The following ATP11C variants were observed in gnomAD, a reference collection of about 807,000 sequenced individuals.
ATP11C encodes ATPase phospholipid transporting 11C (ATP11C blood group).
A neutral mutation model predicts 97.4 loss-of-function variants in ATP11C; 36 were observed. The ratio of observed to expected loss-of-function variants is 0.37; its 90% CI spans 0.28 to 0.49. ATP11C has a LOEUF of 0.49. Among genes scored for constraint, ATP11C ranks in the 20% least tolerant of loss-of-function variants. The probability of loss-of-function intolerance (pLI) is 0.98; values close to 1 mark genes in which losing one functional copy is unlikely to be tolerated. For synonymous variants in ATP11C, 275 were observed against 290.9 expected, an observed-to-expected ratio of 0.95 and a Z score of 0.56; for missense variants, 730 against 824.6, an observed-to-expected ratio of 0.89 and a Z score of 1.40.
intron 18 of ATP11C, among the ~76,000 whole-genome samples, chrX:139,777,060 TAAG>T (rs930672379): frequency 1.8e-5 from 2 of 110,280 alleles, no homozygotes; most frequent in African/African-American, 6.6e-5. Flanking sequence ...AATTCAAAAA[TAAG>T]AAGCAACAGA....
intron 1 of ATP11C, among the ~76,000 whole-genome samples, chrX:139,884,304 C>G (rs2084605775): frequency 9.0e-6 from 1 of 111,286 alleles, no homozygotes; most frequent in South Asian, 3.8e-4. Flanking sequence ...ACTGAAACAA[C>G]CTGAAATGGT....
intron 26 of ATP11C, among the ~76,000 whole-genome samples, chrX:139,742,872 AAAAAAT>A (rs1195631989): frequency 0.024 from 585 of 24,195 alleles, 4 homozygotes; most frequent in African/African-American, 0.076. Context: ...ATTAAAAAAA[AAAAAAT>A]ATATATATAT....
intron 1 of ATP11C, among the ~76,000 whole-genome samples, chrX:139,909,420 A>C (rs749133488): frequency 9.0e-6 from 1 of 111,263 alleles, no homozygotes; most frequent in Non-Finnish European, 1.9e-5. Flanking sequence ...TGAGTGAGTT[A>C]TTGCGCCCGG....
chrX:139,918,559 G>C (rs1197223474), intron 1 of ATP11C, among the ~76,000 whole-genome samples: 1 of 99,057 alleles, frequency 1.0e-5, no homozygotes, highest in Non-Finnish European at 2.0e-5. Context: ...GGCGGGGGTG[G>C]GGGTGGGGAC....
intron 14 of ATP11C, 101 bp from the exon 15 acceptor site, chrX:139,787,345 T>G (rs2082596133): frequency 1.6e-6 from 1 of 637,134 alleles, no homozygotes; most frequent in Admixed American, 4.2e-5. Context: ...TTGCCCAGGC[T>G]GGAGTGCAGT....
intron 1 of ATP11C, among the ~76,000 whole-genome samples, chrX:139,852,145 A>C (rs1449761344): frequency 9.3e-6 from 1 of 106,986 alleles, no homozygotes. Flanking sequence ...AAAAAAGAAA[A>C]AGAAAAAAGA....
At chrX:139,926,679 T>C (rs924742787) in intron 1 of ATP11C, among the ~76,000 whole-genome samples, 3 of 112,708 alleles carry the variant, frequency 2.7e-5, no homozygotes, top group Non-Finnish European at 3.7e-5. Context: ...GCACTCAATA[T>C]TACTCACTAA....
At chrX:139,797,585 G>A (rs894294598) in intron 10 of ATP11C, among the ~76,000 whole-genome samples, 19 of 111,443 alleles carry the variant, frequency 1.7e-4, no homozygotes, top group African/African-American at 5.5e-4. Context: ...TAAGGTTCCT[G>A]TAAAGTGACA....
chrX:139,837,606 T>C (rs967740977), intron 1 of ATP11C, among the ~76,000 whole-genome samples: 5 of 112,496 alleles, frequency 4.4e-5, no homozygotes, highest in Non-Finnish European at 9.4e-5. Context: ...TGCTGTCAAA[T>C]AGAAAATAGT....
chrX:139,882,996 C>A (rs1029048915), intron 1 of ATP11C, among the ~76,000 whole-genome samples: 3 of 110,800 alleles, frequency 2.7e-5, no homozygotes, highest in African/African-American at 9.8e-5. Context: ...AACAGGGAGC[C>A]ACCAGAAAGT....
At chrX:139,872,604 C>G (rs1182131056) in intron 1 of ATP11C, among the ~76,000 whole-genome samples, 1 of 108,480 alleles carries the variant, frequency 9.2e-6, no homozygotes, top group African/African-American at 3.4e-5. Flanking sequence ...TGAGTGAGAA[C>G]ATGTGGTGTT....
In ATP11C at chrX:139,727,928, G is replaced by C. The variant is rs779985698; in HGVS notation, c.*1038C>G. 66 of 111,890 alleles carry C rather than the reference G, an allele frequency of 5.9e-4. No homozygotes were observed. Among genetic ancestry groups the C allele is most frequent in the Non-Finnish European group, 1.1e-3 (58 of 52,993 alleles). 9.2% of individuals were successfully genotyped at this position (111,890 alleles called of 1,213,427 possible). A position where few individuals can be genotyped will look rare whatever the true frequency, so the allele number is the denominator to read the frequency against. On this transcript the variant is annotated 3_prime_UTR_variant, in exon 30 of 30. Coordinates refer to ENST00000682941, the MANE Select transcript of ATP11C (RefSeq NM_001353812.2). The stretch of plus-strand genomic sequence containing the variant: ...CTCTACAAGCTGAACCACCGTTTTG[G>C]GGTGGCTCCTTCCCCCTTTCCAAAT...
chrX:139,872,511 G>T (rs2485720), intron 1 of ATP11C, among the ~76,000 whole-genome samples: 1 of 94,662 alleles, frequency 1.1e-5, no homozygotes, highest in East Asian at 3.2e-4. Flanking sequence ...ATCCCTCCCC[G>T]CTCCCTCCAC....
At chrX:139,744,952 A>G (rs1310138099) in intron 25 of ATP11C, among the ~76,000 whole-genome samples, 1 of 112,032 alleles carries the variant, frequency 8.9e-6, no homozygotes, top group Non-Finnish European at 1.9e-5. Context: ...GGTTCCAGAC[A>G]TAGTATCCTC....
chrX:139,768,149 G>T, intron 20 of ATP11C, 111 bp downstream of exon 20: 1 of 519,788 alleles, frequency 1.9e-6, no homozygotes, highest in Non-Finnish European at 2.7e-6. Flanking sequence ...GAAGAAATTA[G>T]ATAGTAATAA....
chrX:139,895,917 C>T (rs908648157), intron 1 of ATP11C, among the ~76,000 whole-genome samples: 7 of 110,656 alleles, frequency 6.3e-5, no homozygotes, highest in Non-Finnish European at 1.3e-4. Flanking sequence ...TCAAGCTGTC[C>T]GCCCGCCTCA....
chrX:139,873,435 T>G (rs2084409041), intron 1 of ATP11C, among the ~76,000 whole-genome samples: 1 of 111,097 alleles, frequency 9.0e-6, no homozygotes, highest in Admixed American at 9.6e-5. Flanking sequence ...GGGCCAGGCA[T>G]GGGGGTTCAC....
chrX:139,842,676 TAG>T (rs1363022074), intron 1 of ATP11C, among the ~76,000 whole-genome samples: 10 of 112,353 alleles, frequency 8.9e-5, no homozygotes, highest in Non-Finnish European at 1.7e-4. Flanking sequence ...TGGGGCTGCG[TAG>T]AGTTTGTCTT....
intron 6 of ATP11C, among the ~76,000 whole-genome samples, chrX:139,803,438 G>T (rs1271475759): frequency 1.8e-5 from 2 of 110,749 alleles, no homozygotes; most frequent in African/African-American, 6.6e-5. Flanking sequence ...CCAGAGGTGA[G>T]CCACATGAGT....
Sources: gnomAD v4.1 joint callset for allele counts (sites outside exome capture counted in the v4.1 genomes callset) on GRCh38, gnomAD v4.1.1 for gene constraint, MANE v1.5 for transcripts, NCBI Gene and HGNC (gene_info 2026-07-23, HGNC 2026-07-21) for gene names.